The following CREB5 variants were observed in gnomAD, a reference collection of about 807,000 sequenced individuals.
CREB5 encodes the protein cyclic AMP-responsive element-binding protein 5.
CREB5 carries 19 observed loss-of-function variants against 57.1 expected under a neutral mutation model. That is an observed-to-expected ratio of 0.33 (90% CI 0.23 to 0.49). The LOEUF (loss-of-function observed/expected upper bound fraction) is 0.49, where lower values mean the gene tolerates loss of function less well. CREB5 is among the 20% of genes least tolerant of loss of function. The probability of loss-of-function intolerance (pLI) is 0.99; values close to 1 mark genes in which losing one functional copy is unlikely to be tolerated. For missense variants in CREB5, 579 were observed against 671.6 expected (o/e 0.86, Z 1.52); for synonymous variants, 238 against 238.3 (o/e 1.00, Z 0.01).
At chr7:28,319,002 C>G (rs980393614) in intron 1 of CREB5, among the ~76,000 whole-genome samples, 1 of 152,130 alleles carries the variant, frequency 6.6e-6, no homozygotes, top group African/African-American at 2.4e-5. Flanking sequence ...TAAAGGAAGC[C>G]CGCTTATCTG....
At chr7:28,641,282 A>AC (rs1045196796) in intron 5 of CREB5, among the ~76,000 whole-genome samples, 2 of 151,892 alleles carry the variant, frequency 1.3e-5, no homozygotes, top group Non-Finnish European at 2.9e-5. Flanking sequence ...GACAAGGACC[A>AC]CCCCCCCATC....
chr7:28,592,049 T>A (rs1201111010), intron 5 of CREB5, among the ~76,000 whole-genome samples: 1 of 152,200 alleles, frequency 6.6e-6, no homozygotes, highest in Non-Finnish European at 1.5e-5. Flanking sequence ...ACCCTTTAAG[T>A]TAGTCTTATC....
chr7:28,715,614 C>G (rs1237569293), intron 5 of CREB5, among the ~76,000 whole-genome samples: 1 of 152,034 alleles, frequency 6.6e-6, no homozygotes, highest in African/African-American at 2.4e-5. Context: ...CAGTCTAGTC[C>G]TTTATATACC....
At chr7:28,592,853 C>T (rs1262474514) in intron 5 of CREB5, among the ~76,000 whole-genome samples, 1 of 152,214 alleles carries the variant, frequency 6.6e-6, no homozygotes, top group African/African-American at 2.4e-5. Context: ...CCCTCTGTGT[C>T]TCCGTTTTCT....
chr7:28,428,030 T>C (rs1462185493), intron 1 of CREB5, among the ~76,000 whole-genome samples: 1 of 152,000 alleles, frequency 6.6e-6, no homozygotes, highest in African/African-American at 2.4e-5. Context: ...TTCTCTTTCA[T>C]GTTTCAGTTG....
intron 1 of CREB5, among the ~76,000 whole-genome samples, chr7:28,300,394 C>T (rs570475089): frequency 6.6e-6 from 1 of 152,244 alleles, no homozygotes; most frequent in South Asian, 2.1e-4. Flanking sequence ...GCAATTTTGT[C>T]CTTTTCTCAA....
chr7:28,775,289 A>G (rs561350550), intron 7 of CREB5, among the ~76,000 whole-genome samples: 3 of 152,106 alleles, frequency 2.0e-5, no homozygotes, highest in Admixed American at 6.5e-5. Context: ...ACCTCCTCCT[A>G]GAAGTCCTCT....
intron 1 of CREB5, among the ~76,000 whole-genome samples, chr7:28,423,734 A>C (rs1429459274): frequency 8.5e-5 from 13 of 152,202 alleles, no homozygotes; most frequent in Admixed American, 8.5e-4. Flanking sequence ...GGCTGTGAAC[A>C]AAAATGCCAA....
At chr7:28,637,521 T>A (rs76474379) in intron 5 of CREB5, among the ~76,000 whole-genome samples, 1 of 152,106 alleles carries the variant, frequency 6.6e-6, no homozygotes, top group African/African-American at 2.4e-5. Flanking sequence ...GGAGTTTGAA[T>A]AGAGGGGCAG....
At chr7:28,609,244 G>A (rs1797294719) in intron 5 of CREB5, 1 of 152,134 alleles carries the variant, frequency 6.6e-6, no homozygotes, top group African/African-American at 2.4e-5. Context: ...ATGCATTTTA[G>A]ACATGGCTTA....
intron 5 of CREB5, among the ~76,000 whole-genome samples, chr7:28,667,195 G>T (rs1799860703): frequency 6.6e-6 from 1 of 151,680 alleles, no homozygotes; most frequent in South Asian, 2.1e-4. Context: ...CCTGGGTGGG[G>T]CTGTTGAATC....
At chr7:28,569,416 T>C (rs1306294557) in intron 4 of CREB5, among the ~76,000 whole-genome samples, 1 of 152,240 alleles carries the variant, frequency 6.6e-6, no homozygotes. Flanking sequence ...GAATTTTCTC[T>C]GGGTGTCTGA....
chr7:28,591,805 T>C (rs562928348), intron 5 of CREB5, among the ~76,000 whole-genome samples: 5 of 152,352 alleles, frequency 3.3e-5, no homozygotes, highest in African/African-American at 7.2e-5. Flanking sequence ...AATGCTAATA[T>C]AGTACTGGTA....
In CREB5 at chr7:28,314,833, G is replaced by A. The variant is rs142269081; in HGVS notation, c.-25+15392G>A. Among the ~76,000 whole-genome samples, 429 of 152,300 alleles carry A rather than the reference G, an allele frequency of 2.8e-3. 1 individual carries two copies. The highest frequency in any genetic ancestry group is 1.0e-2 in the African/African-American group (415 of 41,558). On this transcript the variant is annotated intron_variant, in intron 1 of 9. Coordinates refer to the CREB5 transcript ENST00000396299. ...CTTCAGAAGTATGTTGTAGAAAAGT[G>A]CTGTACGGTCAGTAAATTTGGCAAC...
At chr7:28,324,163 A>G (rs572890191) in intron 1 of CREB5, among the ~76,000 whole-genome samples, 1 of 152,324 alleles carries the variant, frequency 6.6e-6, no homozygotes, top group East Asian at 1.9e-4. Flanking sequence ...ACTAGAGCCA[A>G]AAATGTGCCC....
chr7:28,486,695 T>TATATA (rs1282046289), intron 1 of CREB5, among the ~76,000 whole-genome samples: 15 of 132,524 alleles, frequency 1.1e-4, no homozygotes, highest in East Asian at 2.2e-4. Flanking sequence ...TATATATATG[T>TATATA]TACTGTGTGG....
chr7:28,555,106 G>T (rs1315128250), intron 4 of CREB5, among the ~76,000 whole-genome samples: 2 of 21,858 alleles, frequency 9.1e-5, no homozygotes, highest in Non-Finnish European at 1.6e-4. Context: ...TCTATAAGCT[G>T]CATTGTGTGT....
intron 3 of CREB5, among the ~76,000 whole-genome samples, chr7:28,497,004 C>T (rs1792086506): frequency 6.6e-6 from 1 of 152,182 alleles, no homozygotes; most frequent in Admixed American, 6.5e-5. Context: ...CATAGATACA[C>T]AAGTAGCAAG....
chr7:28,786,830 C>T (rs184877523), intron 7 of CREB5, among the ~76,000 whole-genome samples: 9 of 152,210 alleles, frequency 5.9e-5, no homozygotes, highest in Non-Finnish European at 8.8e-5. Context: ...TCTTCTCCCA[C>T]CCCACCAGCC....
Sources: allele counts gnomAD v4.1 joint callset (sites outside exome capture counted in the v4.1 genomes callset), GRCh38; gene constraint gnomAD v4.1.1; transcripts MANE v1.5; gene names NCBI Gene and HGNC (gene_info 2026-07-23, HGNC 2026-07-21).